Variants in MYO10 observed in about 807,000 individuals in gnomAD.
The protein encoded by MYO10 is unconventional myosin-X.
Under a neutral mutation model 257.3 loss-of-function variants are expected in MYO10, and 133 were observed. The ratio of observed to expected loss-of-function variants is 0.52; its 90% CI spans 0.45 to 0.60. MYO10 has a LOEUF of 0.60. Ranked by LOEUF, MYO10 falls within the 20% of genes least tolerant of loss-of-function variation. The probability of loss-of-function intolerance (pLI) is 0.00; values close to 1 mark genes in which losing one functional copy is unlikely to be tolerated. For synonymous variants in MYO10, 1,104 were observed against 1,028.6 expected, an observed-to-expected ratio of 1.07 and a Z score of -1.40; for missense variants, 2,399 against 2,635.7, an observed-to-expected ratio of 0.91 and a Z score of 1.97.
intron 1 of MYO10, among the ~76,000 whole-genome samples, chr5:16,895,983 G>A (rs865923357): frequency 1.3e-5 from 2 of 152,168 alleles, no homozygotes; most frequent in Admixed American, 6.5e-5. Context: ...CTCCTCAACC[G>A]GACTGCAGAC....
At chr5:16,924,168 T>G (rs1295782779) in intron 1 of MYO10, among the ~76,000 whole-genome samples, 2 of 152,186 alleles carry the variant, frequency 1.3e-5, no homozygotes, top group African/African-American at 4.8e-5. Context: ...TACAGCCTAG[T>G]CCCTTGAGTG....
chr5:16,759,689 A>G (rs1357936461), intron 17 of MYO10, among the ~76,000 whole-genome samples: 1 of 152,186 alleles, frequency 6.6e-6, no homozygotes, highest in Non-Finnish European at 1.5e-5. Context: ...ACTACGACAA[A>G]CTGCCTCTAC....
intron 2 of MYO10, among the ~76,000 whole-genome samples, chr5:16,856,675 G>A (rs1039499346): frequency 5.3e-5 from 8 of 152,162 alleles, no homozygotes; most frequent in Non-Finnish European, 1.2e-4. Flanking sequence ...GTCTTAGAGA[G>A]TCTTGCTCAA....
chr5:16,762,218 A>G (rs1740737165), intron 15 of MYO10, 105 bp from the exon 16 acceptor site: 2 of 1,365,428 alleles, frequency 1.5e-6, no homozygotes, highest in Non-Finnish European at 1.9e-6. Flanking sequence ...AGTGAAAATC[A>G]TTTCCAAACT....
At chr5:16,900,420 A>G (rs1745344786) in intron 1 of MYO10, among the ~76,000 whole-genome samples, 1 of 152,180 alleles carries the variant, frequency 6.6e-6, no homozygotes, top group South Asian at 2.1e-4. Flanking sequence ...CAGGTTAGAC[A>G]CTGTAGTGTG....
chr5:16,921,636 G>GAAAAAAAAAAAA (rs3061955), intron 1 of MYO10, among the ~76,000 whole-genome samples: 1 of 120,626 alleles, frequency 8.3e-6, no homozygotes, highest in Non-Finnish European at 1.8e-5. Context: ...AAAGGAAAAA[G>GAAAAAAAAAAAA]AAAAAAAAAA....
intron 19 of MYO10, among the ~76,000 whole-genome samples, chr5:16,754,399 T>C (rs73756214): frequency 0.025 from 3,757 of 152,140 alleles, 179 homozygotes; most frequent in African/African-American, 0.085. Context: ...GCATTACTAC[T>C]TAAAGCCTCT....
intron 39 of MYO10, among the ~76,000 whole-genome samples, chr5:16,669,020 AG>A (rs1434605836): frequency 7.2e-5 from 11 of 152,158 alleles, no homozygotes; most frequent in Non-Finnish European, 1.5e-4. Flanking sequence ...GGACTTTACC[AG>A]TTTAACTGTA....
rs1483290522 is a variant in MYO10, at chr5:16,764,246, C to A, written c.1326+4G>T. ...TTCACGTGCTGCACTGTTAGGAAAC[C>A]TACCTCAAAGTTTTCAAATCCAAAG... On this transcript the variant is annotated splice_donor_region_variant and intron_variant, in intron 12 of 40. Coordinates refer to ENST00000513610, the MANE Select transcript of MYO10 (RefSeq NM_012334.3). The A allele has an allele frequency of 1.2e-6, 2 of 1,613,694 alleles. No homozygotes were observed. Among genetic ancestry groups the A allele is most frequent in the African/African-American group, 2.7e-5 (2 of 74,918 alleles).
intron 1 of MYO10, among the ~76,000 whole-genome samples, chr5:16,893,216 G>A (rs371016843): frequency 0.047 from 3,099 of 65,932 alleles, 2 homozygotes; most frequent in Non-Finnish European, 0.07. Flanking sequence ...AAAAAAAAAA[G>A]AACTTACAAT....
rs1409778518 is a variant in MYO10 at position 16,681,998 on chromosome 5, C to A, written c.4062G>T (p.Val1354=). 6.2e-7 allele frequency: 1 copy of A among 1,613,476 alleles called. No individual in the cohort carries two copies. The highest frequency in any genetic ancestry group is 8.5e-7 in the Non-Finnish European group (1 of 1,179,860). The change falls in exon 31 of 41, where the codon GTG becomes GTT. Residue 1354 remains valine (V), a synonymous_variant. Transcript: ENST00000513610. Reference sequence around the variant, plus strand: ...GCAGCACCCGGTTGGCCGTGATGATCACAAACGAGTTGGGTCTGAGCCACA... The same window carrying A: ...GCAGCACCCGGTTGGCCGTGATGATAACAAACGAGTTGGGTCTGAGCCACA... ...SDSPDRPNSF[V]IITANRVLHC...
At chr5:16,821,433 C>T (rs1293033228) in intron 2 of MYO10, among the ~76,000 whole-genome samples, 4 of 140,528 alleles carry the variant, frequency 2.8e-5, no homozygotes, top group Admixed American at 7.1e-5. Flanking sequence ...ACTTCCTTTC[C>T]TCCTATTTTC....
intron 2 of MYO10, among the ~76,000 whole-genome samples, chr5:16,855,803 G>C (rs1309821268): frequency 6.6e-6 from 1 of 152,246 alleles, no homozygotes; most frequent in Non-Finnish European, 1.5e-5. Context: ...ACAAGGCACT[G>C]TGAACTCTGA....
intron 38 of MYO10, 55 bp from the exon 39 acceptor site, chr5:16,671,033 G>T: frequency 1.4e-6 from 2 of 1,457,704 alleles, no homozygotes; most frequent in Non-Finnish European, 1.9e-6. Flanking sequence ...GCCATGGGAT[G>T]CCCACGTCGC....
chr5:16,859,881 G>C (rs753780347), intron 2 of MYO10, among the ~76,000 whole-genome samples: 26 of 151,750 alleles, frequency 1.7e-4, no homozygotes, highest in Non-Finnish European at 3.2e-4. Flanking sequence ...ACCCAGGGCC[G>C]TGCCCTTCCT....
intron 1 of MYO10, among the ~76,000 whole-genome samples, chr5:16,910,521 C>T (rs890165471): frequency 1.3e-5 from 2 of 152,124 alleles, no homozygotes; most frequent in African/African-American, 4.8e-5. Flanking sequence ...GTGAAAATAC[C>T]TATAACAATG....
chr5:16,723,702 G>A (rs1288745418), intron 19 of MYO10, among the ~76,000 whole-genome samples: 1 of 152,170 alleles, frequency 6.6e-6, no homozygotes, highest in African/African-American at 2.4e-5. Flanking sequence ...GCCAAAAACT[G>A]GAAGCAATCA....
chr5:16,777,839 CTTTTTTTTTTTTT>C (rs61326508), intron 9 of MYO10, among the ~76,000 whole-genome samples: 2 of 88,478 alleles, frequency 2.3e-5, no homozygotes, highest in Non-Finnish European at 4.0e-5. Context: ...TTGCATCTAA[CTTTTTTTTTTTTT>C]TTTTTTTTTT....
intron 9 of MYO10, among the ~76,000 whole-genome samples, chr5:16,771,532 A>C (rs1043027860): frequency 7.5e-5 from 11 of 146,276 alleles, no homozygotes; most frequent in Non-Finnish European, 1.5e-4. Flanking sequence ...CAAATCTAGG[A>C]ACTTACTATT....
Sources: allele counts gnomAD v4.1 joint callset (sites outside exome capture counted in the v4.1 genomes callset), GRCh38; gene constraint gnomAD v4.1.1; transcripts MANE v1.5; gene names NCBI Gene and HGNC (gene_info 2026-07-23, HGNC 2026-07-21).